Variants in TRAF3IP2 observed in about 807,000 individuals in gnomAD.
TRAF3IP2 encodes E3 ubiquitin ligase TRAF3IP2.
A neutral mutation model predicts 57.9 loss-of-function variants in TRAF3IP2; 35 were observed. The observed-to-expected ratio is 0.60, with a 90% CI of 0.46 to 0.80. The LOEUF is 0.80. Among genes scored for constraint, TRAF3IP2 ranks in the 30% least tolerant of loss-of-function variants. TRAF3IP2 has a pLI of 0.00. For synonymous variants in TRAF3IP2, 251 were observed against 268.9 expected, an observed-to-expected ratio of 0.93 and a Z score of 0.65; for missense variants, 556 against 706.4, an observed-to-expected ratio of 0.79 and a Z score of 2.41.
At chr6:111,598,471 A>G (rs1796765104) in intron 1 of TRAF3IP2, among the ~76,000 whole-genome samples, 1 of 152,240 alleles carries the variant, frequency 6.6e-6, no homozygotes, top group Non-Finnish European at 1.5e-5. Flanking sequence ...ACTGTAGTAT[A>G]TCTGTACAAT....
intron 2 of TRAF3IP2, among the ~76,000 whole-genome samples, chr6:111,584,293 C>T (rs1399414559): frequency 6.6e-6 from 1 of 152,160 alleles, no homozygotes; most frequent in East Asian, 1.9e-4. Flanking sequence ...AAACGGCCAC[C>T]TGTGGTAAAA....
intron 4 of TRAF3IP2, 137 bp downstream of exon 4, chr6:111,575,506 T>C: frequency 1.1e-6 from 1 of 930,948 alleles, no homozygotes; most frequent in Non-Finnish European, 1.5e-6. Flanking sequence ...GAGAATGGGG[T>C]GAACCTGGGA....
At chr6:111,587,446 C>T (rs1042459160) in intron 2 of TRAF3IP2, among the ~76,000 whole-genome samples, 3 of 151,870 alleles carry the variant, frequency 2.0e-5, no homozygotes, top group Non-Finnish European at 2.9e-5. Flanking sequence ...TAGTAGACAA[C>T]ATTTCACCAT....
intron 1 of TRAF3IP2, among the ~76,000 whole-genome samples, chr6:111,596,452 C>T (rs1333445971): frequency 6.6e-6 from 1 of 151,808 alleles, no homozygotes; most frequent in Non-Finnish European, 1.5e-5. Context: ...GCCATCATGC[C>T]TAATTTTTCT....
chr6:111,577,117 TG>T lies in TRAF3IP2; in HGVS notation c.1023-1297del, dbSNP rs926823074. The stretch of plus-strand genomic sequence containing the variant: ...TTCTATAAAATATGCTTTCAGCTAA[TG>T]GGGGATCCCATTCCATATTTTTTTC... On this transcript the variant is annotated intron_variant, in intron 3 of 8. Coordinates refer to ENST00000368761, the MANE Select transcript of TRAF3IP2 (RefSeq NM_147686.4). 2.6e-4 allele frequency: 39 copies of T among 149,992 alleles called. 1 individual carries two copies. The highest frequency in any genetic ancestry group is 9.0e-4 in the African/African-American group (37 of 41,284). The allele number at this position is 149,992 out of a possible 1,614,324, so 9.3% of individuals were successfully genotyped here. A position where few individuals can be genotyped will look rare whatever the true frequency, so the allele number is the denominator to read the frequency against.
At chr6:111,586,928 G>C (rs893504588) in intron 2 of TRAF3IP2, 1 of 152,148 alleles carries the variant, frequency 6.6e-6, no homozygotes, top group Non-Finnish European at 1.5e-5. Context: ...TTAGTATTGA[G>C]GGCTTACCAC....
chr6:111,585,078 C>A (rs1209029142), intron 2 of TRAF3IP2, among the ~76,000 whole-genome samples: 1 of 152,182 alleles, frequency 6.6e-6, no homozygotes, highest in Admixed American at 6.6e-5. Context: ...TAGGTTTCAG[C>A]TCAGATGTCT....
chr6:111,591,140 T>C lies in TRAF3IP2; in HGVS notation c.829+118A>G. ...TGGAAAGCCCCTAAGAGAAGCAGAATGCCCTCCCTGCATTCTGACCTGTTC... is the reference window on the plus strand; with the variant it reads ...TGGAAAGCCCCTAAGAGAAGCAGAACGCCCTCCCTGCATTCTGACCTGTTC... On this transcript the variant is annotated intron_variant, in intron 2 of 8. Coordinates refer to ENST00000368761, the MANE Select transcript of TRAF3IP2 (RefSeq NM_147686.4). The surrounding 1 kb of genome is among the most constrained non-coding windows in gnomAD (Gnocchi z 4.9). 1 of 725,062 alleles carries C rather than the reference T, an allele frequency of 1.4e-6. No individual in the cohort carries two copies. The highest frequency in any genetic ancestry group is 2.1e-6 in the Non-Finnish European group (1 of 476,714). The allele number at this position is 725,062 out of a possible 1,614,324, so 44.9% of individuals were successfully genotyped here. A position where few individuals can be genotyped will look rare whatever the true frequency, so the allele number is the denominator to read the frequency against.
chr6:111,602,658 G>T (rs1309094732), intron 1 of TRAF3IP2, among the ~76,000 whole-genome samples: 1 of 152,178 alleles, frequency 6.6e-6, no homozygotes, highest in African/African-American at 2.4e-5. Context: ...AAAGGTAAGA[G>T]TGTCATAGGG....
intron 5 of TRAF3IP2, 121 bp from the exon 6 acceptor site, chr6:111,567,813 A>G (rs898986754): frequency 5.8e-6 from 4 of 694,264 alleles, no homozygotes; most frequent in South Asian, 3.3e-5. Flanking sequence ...GCTTTTTGCA[A>G]GAAGGAGCAC....
intron 1 of TRAF3IP2, chr6:111,598,137 G>T: frequency 3.3e-6 from 1 of 304,260 alleles, no homozygotes; most frequent in Non-Finnish European, 6.5e-6. Flanking sequence ...TCCCAATACA[G>T]AGCCCAGGCC....
chr6:111,589,402 A>C (rs383917), intron 2 of TRAF3IP2, among the ~76,000 whole-genome samples: 110,496 of 152,060 alleles, frequency 0.73, 40,969 homozygotes, highest in Admixed American at 0.81. Flanking sequence ...ACAGAATGTT[A>C]AAAAGTAGTT....
Position 111,556,802 on chromosome 6 carries a change from AAG to A in TRAF3IP2, c.*2601_*2602del, listed in dbSNP as rs1795254831. ...GCAATGTTTCTTATTTATAGTTGAC[AAG>A]TATTTGTCCTTTCCCTGTGCTACAT... On this transcript the variant is annotated 3_prime_UTR_variant, in exon 9 of 9. Coordinates refer to ENST00000368761, the MANE Select transcript of TRAF3IP2 (RefSeq NM_147686.4). The A allele has an allele frequency of 5.3e-5, 8 of 152,308 alleles. No individual in the cohort carries two copies. Among genetic ancestry groups the A allele is most frequent in the African/African-American group, 1.7e-4 (7 of 41,550 alleles). 9.4% of individuals were successfully genotyped at this position (152,308 alleles called of 1,614,324 possible).
rs377548825 is a variant in TRAF3IP2 at position 111,593,600 on chromosome 6, G to A, written c.-8-1506C>T. Among the ~76,000 whole-genome samples the A allele has an allele frequency of 1.3e-5, 2 of 152,192 alleles. 1 individual carries two copies. Among genetic ancestry groups the A allele is most frequent in the African/African-American group, 4.8e-5 (2 of 41,520 alleles). ...CAAACTTACCCACCTGCTGCACAACGACCCTTGCTCTGTTTTCTGACGCAA... is the reference window on the plus strand; with the variant it reads ...CAAACTTACCCACCTGCTGCACAACAACCCTTGCTCTGTTTTCTGACGCAA... On this transcript the variant is annotated intron_variant, in intron 1 of 8. Coordinates refer to ENST00000368761, the MANE Select transcript of TRAF3IP2 (RefSeq NM_147686.4).
At chr6:111,562,398 CAG>C (rs1373267338) in intron 8 of TRAF3IP2, among the ~76,000 whole-genome samples, 2 of 152,164 alleles carry the variant, frequency 1.3e-5, no homozygotes, top group Non-Finnish European at 2.9e-5. Context: ...TGAGTTAAAA[CAG>C]AAACTACATC....
At chr6:111,602,920 C>T (rs140566646) in intron 1 of TRAF3IP2, among the ~76,000 whole-genome samples, 1 of 152,118 alleles carries the variant, frequency 6.6e-6, no homozygotes, top group Non-Finnish European at 1.5e-5. Context: ...CTGGGAGCTC[C>T]GGTCAGTCCT....
Position 111,591,696 on chromosome 6 carries a change from A to G in TRAF3IP2, c.391T>C (p.Phe131Leu), listed in dbSNP as rs1796523959. Residue 131 changes from phenylalanine to leucine, a missense_variant, in exon 2 of 9, where the codon TTT becomes CTT. Phe to Leu is a conservative substitution (Grantham distance 22). Around this residue, in one of 2 missense-constraint regions of TRAF3IP2, gnomAD observed 428 missense variants for 498.7 expected, o/e 0.86. Transcript: ENST00000368761. This position sits in a 1 kb window ranked among gnomAD's most constrained non-coding sequence, Gnocchi z 4.9. Reference sequence around the variant, plus strand: ...TGATTACGTTTTTCCATAAATGAAAACTGATGCTCTGCAGGGAGGGCTCCA... The same window carrying G: ...TGATTACGTTTTTCCATAAATGAAAGCTGATGCTCTGCAGGGAGGGCTCCA... ...VVGALPAEHQFSFMEKRNQWL... is the reference protein window; with the variant it reads ...VVGALPAEHQLSFMEKRNQWL... 6.2e-7 allele frequency: 1 copy of G among 1,614,190 alleles called. No individual in the cohort carries two copies. Among genetic ancestry groups the G allele is most frequent in the Non-Finnish European group, 8.5e-7 (1 of 1,180,028 alleles).
chr6:111,560,306 C>A (rs149452784), intron 8 of TRAF3IP2, among the ~76,000 whole-genome samples: 1 of 152,216 alleles, frequency 6.6e-6, no homozygotes, highest in Non-Finnish European at 1.5e-5. Flanking sequence ...AGAGTCAGTG[C>A]GAAGGCCCTG....
At chr6:111,586,320 A>G (rs1796335527) in intron 2 of TRAF3IP2, among the ~76,000 whole-genome samples, 2 of 151,992 alleles carry the variant, frequency 1.3e-5, no homozygotes, top group African/African-American at 4.8e-5. Context: ...AGAAAGCAAT[A>G]ATTTTATAAT....
Sources: allele counts gnomAD v4.1 joint callset (sites outside exome capture counted in the v4.1 genomes callset), GRCh38; gene constraint gnomAD v4.1.1; regional missense constraint gnomAD v4.1.1; non-coding constraint Gnocchi (gnomAD v3.1); transcripts MANE v1.5; gene names NCBI Gene and HGNC (gene_info 2026-07-23, HGNC 2026-07-21).